Variants in DPP10 observed in about 807,000 individuals in gnomAD.
DPP10 encodes inactive dipeptidyl peptidase 10.
In DPP10, 33 loss-of-function variants were observed where a neutral mutation model predicts 120.9. That is an observed-to-expected ratio of 0.27 (90% CI 0.21 to 0.37). The LOEUF is 0.37. DPP10 is among the 10% of genes least tolerant of loss of function. The probability of loss-of-function intolerance (pLI) is 1.00; values close to 1 mark genes in which losing one functional copy is unlikely to be tolerated. For synonymous variants in DPP10, 337 were observed against 326.1 expected (o/e 1.03, Z -0.36); for missense variants, 816 against 942.8 (o/e 0.87, Z 1.76).
At chr2:115,372,748 GA>G (rs1450732349) in intron 3 of DPP10, among the ~76,000 whole-genome samples, 1 of 152,196 alleles carries the variant, frequency 6.6e-6, no homozygotes, top group African/African-American at 2.4e-5. Context: ...AACCATCACT[GA>G]AGTTAGAGTA....
chr2:114,451,447 T>C (rs1429989113), intron 1 of DPP10, among the ~76,000 whole-genome samples: 1 of 152,090 alleles, frequency 6.6e-6, no homozygotes, highest in Non-Finnish European at 1.5e-5. Flanking sequence ...GGATAAATAC[T>C]TAGGTTTGTC....
intron 1 of DPP10, among the ~76,000 whole-genome samples, chr2:114,738,187 G>T (rs979561742): frequency 6.6e-6 from 1 of 152,112 alleles, no homozygotes; most frequent in Non-Finnish European, 1.5e-5. Flanking sequence ...CCTCCCACCA[G>T]GCCCCTCTTT....
chr2:115,236,633 T>C (rs1484705605), intron 1 of DPP10, among the ~76,000 whole-genome samples: 1 of 152,204 alleles, frequency 6.6e-6, no homozygotes, highest in African/African-American at 2.4e-5. Context: ...CAATCAATTA[T>C]TGAAGGTATC....
At chr2:115,519,283 T>C (rs1290641542) in intron 4 of DPP10, among the ~76,000 whole-genome samples, 1 of 152,196 alleles carries the variant, frequency 6.6e-6, no homozygotes, top group African/African-American at 2.4e-5. Context: ...GCAATAAAAA[T>C]ATATGTGTGT....
At chr2:115,630,472 T>C (rs1013402660) in intron 5 of DPP10, among the ~76,000 whole-genome samples, 1 of 152,168 alleles carries the variant, frequency 6.6e-6, no homozygotes, top group Non-Finnish European at 1.5e-5. Flanking sequence ...CAGGACATCC[T>C]TGTCTTGTGC....
chr2:114,452,589 T>C (rs1678350095), intron 1 of DPP10, among the ~76,000 whole-genome samples: 1 of 152,170 alleles, frequency 6.6e-6, no homozygotes, highest in African/African-American at 2.4e-5. Flanking sequence ...ACACTTATGA[T>C]CATGGTCTTT....
chr2:114,959,692 A>G (rs1434505906), intron 1 of DPP10, among the ~76,000 whole-genome samples: 1 of 152,212 alleles, frequency 6.6e-6, no homozygotes, highest in Non-Finnish European at 1.5e-5. Flanking sequence ...ACAGCAATGG[A>G]TGAGCATTCC....
intron 1 of DPP10, among the ~76,000 whole-genome samples, chr2:115,271,496 A>T (rs766797395): frequency 2.5e-4 from 38 of 152,088 alleles, no homozygotes; most frequent in Non-Finnish European, 4.7e-4. Flanking sequence ...TCTTTTGTTC[A>T]TGCCTTTTTT....
At chr2:115,621,440 T>TA (rs1386652311) in intron 5 of DPP10, among the ~76,000 whole-genome samples, 1 of 152,158 alleles carries the variant, frequency 6.6e-6, no homozygotes, top group South Asian at 2.1e-4. Flanking sequence ...CAAATCTAAA[T>TA]AAAAAATGAG....
chr2:115,089,362 C>T (rs549878933), intron 1 of DPP10, among the ~76,000 whole-genome samples: 3 of 152,216 alleles, frequency 2.0e-5, no homozygotes, highest in South Asian at 2.1e-4. Flanking sequence ...GGTTAGACTG[C>T]CATTGGAATT....
chr2:115,732,031 C>G (rs1436880420), intron 8 of DPP10, among the ~76,000 whole-genome samples: 4 of 151,850 alleles, frequency 2.6e-5, no homozygotes, highest in Non-Finnish European at 5.9e-5. Context: ...AATGCACTCA[C>G]TGAAACACAA....
At chr2:115,409,588 C>T (rs933504445) in intron 3 of DPP10, among the ~76,000 whole-genome samples, 13 of 152,210 alleles carry the variant, frequency 8.5e-5, no homozygotes, top group South Asian at 2.1e-4. Flanking sequence ...ATAACCACTA[C>T]GGAAAACAGT....
chr2:114,448,294 G>A (rs759009660), intron 1 of DPP10, among the ~76,000 whole-genome samples: 1 of 152,084 alleles, frequency 6.6e-6, no homozygotes. Context: ...GTTTTATGAA[G>A]TATTTAGTAT....
chr2:115,262,203 C>G (rs1449101619), intron 1 of DPP10, among the ~76,000 whole-genome samples: 1 of 151,868 alleles, frequency 6.6e-6, no homozygotes, highest in Admixed American at 6.6e-5. Context: ...TGCAAGAACA[C>G]AAAATCCTGG....
intron 1 of DPP10, among the ~76,000 whole-genome samples, chr2:114,869,876 T>G (rs1690548982): frequency 6.6e-6 from 1 of 152,142 alleles, no homozygotes; most frequent in Non-Finnish European, 1.5e-5. Flanking sequence ...GCTGTCTTCT[T>G]CCCTTACTGG....
chr2:114,549,760 T>C (rs1310153553), intron 1 of DPP10, among the ~76,000 whole-genome samples: 1 of 150,932 alleles, frequency 6.6e-6, no homozygotes, highest in Non-Finnish European at 1.5e-5. Context: ...GGCATCCTGG[T>C]TGGAGACAGC....
chr2:115,439,999 C>T (rs916446325), intron 3 of DPP10, among the ~76,000 whole-genome samples: 2 of 151,984 alleles, frequency 1.3e-5, no homozygotes, highest in African/African-American at 4.8e-5. Flanking sequence ...TGCAAACTTG[C>T]AAAAATATAT....
chr2:115,237,103 A>G (rs2058043427), intron 1 of DPP10, among the ~76,000 whole-genome samples: 1 of 152,126 alleles, frequency 6.6e-6, no homozygotes, highest in African/African-American at 2.4e-5. Flanking sequence ...ATTTTATTGT[A>G]CTTTGTGTTA....
intron 1 of DPP10, among the ~76,000 whole-genome samples, chr2:114,908,299 A>C (rs1694122920): frequency 6.6e-6 from 1 of 151,866 alleles, no homozygotes; most frequent in African/African-American, 2.4e-5. Context: ...ATCCATTCAC[A>C]TTTAATGTTA....
Sources: allele counts gnomAD v4.1 joint callset (sites outside exome capture counted in the v4.1 genomes callset), GRCh38; gene constraint gnomAD v4.1.1; transcripts MANE v1.5; gene names NCBI Gene and HGNC (gene_info 2026-07-23, HGNC 2026-07-21).